Variants in PIF1 observed in about 807,000 individuals in gnomAD.
PIF1 encodes the protein PIF1 5'-to-3' DNA helicase.
PIF1 carries 67 observed loss-of-function variants against 62.3 expected under a neutral mutation model. That is an observed-to-expected ratio of 1.08 (90% CI 0.88 to 1.32). The LOEUF is 1.32. PIF1 is among the 40% of genes most tolerant of loss of function. The pLI is 0.00. For missense variants in PIF1, 886 were observed against 866.1 expected (o/e 1.02, Z -0.29); for synonymous variants, 364 against 379.5 (o/e 0.96, Z 0.47).
At chr15:64,817,828 C>T in intron 11 of PIF1, 118 bp downstream of exon 11, 1 of 1,257,892 alleles carries the variant, frequency 7.9e-7, no homozygotes, top group African/African-American at 1.5e-5. Flanking sequence ...CGCCACTGCA[C>T]TCCAGCGTGG....
chr15:64,826,727 C>CATAT (rs1193363058), upstream of PIF1, among the ~76,000 whole-genome samples: 139 of 131,426 alleles, frequency 1.1e-3, 1 homozygote, highest in African/African-American at 3.9e-3. Flanking sequence ...TATACACACA[C>CATAT]ATATATATAT....
At chr15:64,822,151 AAG>A in intron 4 of PIF1, 113 bp downstream of exon 4, 1 of 1,411,172 alleles carries the variant, frequency 7.1e-7, no homozygotes, top group South Asian at 1.3e-5. Flanking sequence ...TTGGGATTAC[AAG>A]AGTGAGCCAC....
chr15:64,826,017 G>C (rs2084363951), upstream of PIF1, among the ~76,000 whole-genome samples: 1 of 152,120 alleles, frequency 6.6e-6, no homozygotes, highest in Non-Finnish European at 1.5e-5. Flanking sequence ...CTTAGCCTTG[G>C]GGAAGATCTG....
Position 64,818,255 on chromosome 15 carries a change from A to G in PIF1, c.1528+2T>C, listed in dbSNP as rs1009162658. On this transcript the variant is annotated splice_donor_variant, in intron 10 of 12. Transcript: ENST00000559239. LOFTEE classifies it high-confidence loss of function. Reference sequence around the variant, plus strand: ...GGACTGCCACCTCCTCCCAACACTTACCTCTCCCTTCTGCCTCGAACCCAA... The same window carrying G: ...GGACTGCCACCTCCTCCCAACACTTGCCTCTCCCTTCTGCCTCGAACCCAA... The G allele has an allele frequency of 6.2e-7, 1 of 1,613,100 alleles. No individual in the cohort carries two copies.
At chr15:64,823,130 CAGG>C in intron 2 of PIF1, 6 of 162,532 alleles carry the variant, frequency 3.7e-5, no homozygotes, top group Non-Finnish European at 6.6e-5. Context: ...GTTGGCTGCC[CAGG>C]ACACGAATGA....
At position 64,819,198 on chromosome 15, in the gene PIF1, C is replaced by T. The variant is rs558773830; in HGVS notation, c.1359G>A (p.Met453Ile). 35 of 1,605,064 alleles carry T rather than the reference C, an allele frequency of 2.2e-5. No homozygotes were observed. The highest frequency in any genetic ancestry group is 3.3e-4 in the Middle Eastern group (2 of 6,062). ...LPGKVHRFEA[M>I]DSNPELASTL... ...TACTGGCCAGCTCAGGGTTGCTGTC[C>T]ATAGCCTCAAATCTGTGTACCTTAC... Residue 453 changes from methionine to isoleucine, a missense_variant, in exon 9 of 13, where the codon ATG becomes ATA. Transcript: ENST00000559239.
upstream of PIF1, among the ~76,000 whole-genome samples, chr15:64,825,959 C>A (rs1026909048): frequency 1.3e-5 from 2 of 152,184 alleles, no homozygotes; most frequent in African/African-American, 4.8e-5. Context: ...TCAGAACCAT[C>A]CTTCCAGCAC....
At chr15:64,822,089 G>A (rs1363994037) in intron 4 of PIF1, 177 bp downstream of exon 4, 5 of 763,704 alleles carry the variant, frequency 6.5e-6, no homozygotes, top group African/African-American at 5.3e-5. Context: ...TGGCCAGGCT[G>A]GTCTCAAACT....
chr15:64,818,766 C>T (rs2084234977), intron 9 of PIF1: 1 of 306,704 alleles, frequency 3.3e-6, no homozygotes, highest in Non-Finnish European at 6.0e-6. Flanking sequence ...CCACCCCCAA[C>T]ATTGAGGGAG....
chr15:64,815,983 G>T lies in PIF1; in HGVS notation c.*315C>A. ...GGGATGTTCAGGACTCTGCAGCTCT[G>T]TGTCCAGCCCTTGCAGAGAGCTTTG... On this transcript the variant is annotated 3_prime_UTR_variant, in exon 13 of 13. Coordinates refer to ENST00000559239, the MANE Select transcript of PIF1 (RefSeq NM_001286496.2). 1.3e-6 allele frequency: 2 copies of T among 1,527,688 alleles called. No homozygotes were observed. The highest frequency in any genetic ancestry group is 8.8e-7 in the Non-Finnish European group (1 of 1,135,618). 94.6% of individuals were successfully genotyped at this position (1,527,688 alleles called of 1,614,324 possible).
chr15:64,816,244 CAGG>C lies in PIF1; in HGVS notation c.*51_*53del, dbSNP rs2084179353. On this transcript the variant is annotated 3_prime_UTR_variant, in exon 13 of 13. Transcript: ENST00000559239. The stretch of plus-strand genomic sequence containing the variant: ...CCTGGGGCCCTGGGCCACTAGGGAG[CAGG>C]AGGACGGGGAGGCCACAGGCCACCC... 9.3e-6 allele frequency: 15 copies of C among 1,610,496 alleles called. No homozygotes were observed. The highest frequency in any genetic ancestry group is 1.7e-5 in the Admixed American group (1 of 59,890).
At chr15:64,816,453 T>G (rs6494498) in intron 12 of PIF1, 96 bp from the exon 13 acceptor site, 3 of 1,597,716 alleles carry the variant, frequency 1.9e-6, no homozygotes, top group Non-Finnish European at 2.6e-6. Flanking sequence ...CCCTCACCCC[T>G]AAAGGAGCCA....
chr15:64,817,861 C>G (rs906414613), intron 11 of PIF1, 85 bp downstream of exon 11: 6 of 1,460,896 alleles, frequency 4.1e-6, no homozygotes, highest in African/African-American at 1.4e-5. Context: ...GACTCTGTCT[C>G]AAAAATAAAA....
At position 64,815,874 on chromosome 15, in the gene PIF1, T is replaced by C; in HGVS notation, c.*424A>G. 3 of 1,550,526 alleles carry C rather than the reference T, an allele frequency of 1.9e-6. No individual in the cohort carries two copies. The highest frequency in any genetic ancestry group is 2.6e-6 in the Non-Finnish European group (3 of 1,146,966). On this transcript the variant is annotated 3_prime_UTR_variant, in exon 13 of 13. Coordinates refer to ENST00000559239, the MANE Select transcript of PIF1 (RefSeq NM_001286496.2). The stretch of plus-strand genomic sequence containing the variant: ...GTTTGGAGGCTGCACCCAGCCTGAG[T>C]CCCCACCAGTCCCCTCCAAGAGCCC...
Position 64,819,125 on chromosome 15 carries a change from C to T in PIF1, c.1432G>A (p.Gly478Arg), listed in dbSNP as rs530221307. Residue 478 changes from glycine to arginine, a missense_variant, in exon 9 of 13, where the codon GGG becomes AGG. Physicochemically the swap from Gly to Arg is moderately radical, Grantham distance 125. Coordinates refer to ENST00000559239, the MANE Select transcript of PIF1 (RefSeq NM_001286496.2). ...PVSQLLQLKL[G>R]AQVMLVKNLS... The stretch of plus-strand genomic sequence containing the variant: ...CCCTGCTTCCCACTCACCTGGGCCC[C>T]CAGCTTTAGTTGAAGGAGCTGGCTA... The T allele has an allele frequency of 1.3e-6, 2 of 1,588,584 alleles. No individual in the cohort carries two copies. Among genetic ancestry groups the T allele is most frequent in the South Asian group, 1.2e-5 (1 of 86,172 alleles).
upstream of PIF1, among the ~76,000 whole-genome samples, chr15:64,826,062 G>A (rs781064669): frequency 6.6e-6 from 1 of 152,174 alleles, no homozygotes; most frequent in Non-Finnish European, 1.5e-5. Flanking sequence ...TACACTCACA[G>A]TACCATTGTC....
At position 64,816,141 on chromosome 15, in the gene PIF1, C is replaced by G; in HGVS notation, c.*157G>C. ...AGCTGGTATATGGGTTTAAAGTACT[C>G]TCCCTTTAACCCTGCCAGGAGGCTG... On this transcript the variant is annotated 3_prime_UTR_variant, in exon 13 of 13. Transcript: ENST00000559239. 6.8e-7 allele frequency: 1 copy of G among 1,474,816 alleles called. No individual in the cohort carries two copies. Among genetic ancestry groups the G allele is most frequent in the Non-Finnish European group, 8.9e-7 (1 of 1,119,054 alleles). 91.4% of individuals were successfully genotyped at this position (1,474,816 alleles called of 1,614,324 possible).
At chr15:64,823,253 CTT>C (rs11353508) in intron 2 of PIF1, 113 of 145,676 alleles carry the variant, frequency 7.8e-4, no homozygotes, top group Non-Finnish European at 7.9e-4. Flanking sequence ...CTCGCTCTCT[CTT>C]TTTTTTTTTT....
intron 1 of PIF1, 122 bp from the exon 2 acceptor site, chr15:64,824,476 C>T (rs896498650): frequency 2.4e-5 from 14 of 584,152 alleles, no homozygotes; most frequent in East Asian, 6.9e-5. Context: ...CACAAGATCA[C>T]GAGGACTGTC....
Sources: allele counts gnomAD v4.1 joint callset (sites outside exome capture counted in the v4.1 genomes callset), GRCh38; gene constraint gnomAD v4.1.1; transcripts MANE v1.5; gene names NCBI Gene and HGNC (gene_info 2026-07-23, HGNC 2026-07-21).